SP3: variants seen among roughly 807,000 people sequenced by gnomAD.
SP3 encodes transcription factor Sp3.
A neutral mutation model predicts 70.3 loss-of-function variants in SP3; 10 were observed. That is an observed-to-expected ratio of 0.14 (90% CI 0.09 to 0.24). The LOEUF is 0.24. SP3 is among the 10% of genes least tolerant of loss of function. The pLI is 1.00. For synonymous variants in SP3, 402 were observed against 333.5 expected, an observed-to-expected ratio of 1.21 and a Z score of -2.24; for missense variants, 825 against 914.6, an observed-to-expected ratio of 0.90 and a Z score of 1.26.
At chr2:173,935,296 A>G (rs78094256) in intron 4 of SP3, among the ~76,000 whole-genome samples, 4,257 of 152,238 alleles carry the variant, frequency 0.028, 222 homozygotes, top group African/African-American at 0.097. Context: ...AAAGAAGCTA[A>G]CTTTTAAATA....
Position 173,961,945 on chromosome 2 carries a change from T to G in SP3, c.279+1816A>C, listed in dbSNP as rs1015549775. On this transcript the variant is annotated intron_variant, in intron 3 of 6. Coordinates refer to ENST00000310015, the MANE Select transcript of SP3 (RefSeq NM_003111.5). ...AAATATATGGTTTGGGTTTTTTTTT[T>G]TTTTTTTTTTTTTTTAGGCAAAACT... is the stretch of plus-strand genomic sequence containing the variant. 1.4e-4 allele frequency among the ~76,000 whole-genome samples: 21 copies of G among 151,120 alleles called. No homozygotes were observed. In the East Asian group the frequency reaches 1.5e-3, roughly 11 times the overall value.
intron 3 of SP3, among the ~76,000 whole-genome samples, chr2:173,960,260 T>C (rs577787553): frequency 6.6e-6 from 1 of 152,280 alleles, no homozygotes; most frequent in Admixed American, 6.5e-5. Flanking sequence ...TACATACAAA[T>C]ATACCGGTGG....
rs536434240 is a variant in SP3 at position 173,907,592 on chromosome 2, T to C, written c.*2349A>G. Reference sequence around the variant, plus strand: ...TTCATAAAATATGCATGGACACCTATCGATTCAAAGTACACCATAAACTTA... The same window carrying C: ...TTCATAAAATATGCATGGACACCTACCGATTCAAAGTACACCATAAACTTA... On this transcript the variant is annotated 3_prime_UTR_variant, in exon 7 of 7. Coordinates refer to ENST00000310015, the MANE Select transcript of SP3 (RefSeq NM_003111.5). 2 of 152,212 alleles carry C rather than the reference T, an allele frequency of 1.3e-5. No homozygotes were observed. The highest frequency in any genetic ancestry group is 3.9e-4 in the East Asian group (2 of 5,188). The allele number at this position is 152,212 out of a possible 1,614,324, so 9.4% of individuals were successfully genotyped here.
At chr2:173,964,344 G>GGCGAGGGGAGGAGAAAGCGGC in intron 2 of SP3, 61 bp downstream of exon 2, 2 of 649,200 alleles carry the variant, frequency 3.1e-6, no homozygotes, top group Non-Finnish European at 5.5e-6. Flanking sequence ...GGAGGGGAGA[G>GGCGAGGGGAGGAGAAAGCGGC]GCGAGGGGAG....
At chr2:173,914,698 TA>T (rs1025745484) in intron 5 of SP3, 1 of 152,218 alleles carries the variant, frequency 6.6e-6, no homozygotes, top group African/African-American at 2.4e-5. Flanking sequence ...AAGGATGTCA[TA>T]ATCTAACACA....
intron 4 of SP3, among the ~76,000 whole-genome samples, chr2:173,944,231 C>A (rs1690466016): frequency 6.6e-6 from 1 of 152,140 alleles, no homozygotes; most frequent in Non-Finnish European, 1.5e-5. Context: ...ATGTTAAGTA[C>A]CTTCATAAAA....
At chr2:173,943,047 G>T (rs1361087565) in intron 4 of SP3, among the ~76,000 whole-genome samples, 1 of 152,122 alleles carries the variant, frequency 6.6e-6, no homozygotes, top group African/African-American at 2.4e-5. Context: ...ATTCTAGGGG[G>T]TGTAGGGAGT....
intron 3 of SP3, among the ~76,000 whole-genome samples, chr2:173,958,470 T>C (rs1243043621): frequency 1.3e-5 from 2 of 151,704 alleles, no homozygotes; most frequent in Admixed American, 6.6e-5. Flanking sequence ...ATTCAGGCCA[T>C]TAATTGAAGG....
Position 173,955,707 on chromosome 2 carries a change from T to C in SP3, c.805A>G (p.Ile269Val), listed in dbSNP as rs769969384. The C allele has an allele frequency of 3.1e-6, 5 of 1,614,208 alleles. No individual in the cohort carries two copies. The highest frequency in any genetic ancestry group is 2.2e-5 in the East Asian group (1 of 44,886). ...AAAGAATCTAGATCGACACTATTGATTGGTACAAACGTAATATTTCCTGGC... is the reference window on the plus strand; with the variant it reads ...AAAGAATCTAGATCGACACTATTGACTGGTACAAACGTAATATTTCCTGGC... ...GLPGNITFVPINSVDLDSLGL... is the reference protein window; with the variant it reads ...GLPGNITFVPVNSVDLDSLGL... The change falls in exon 4 of 7, where the codon ATC (isoleucine) becomes GTC (valine). Residue 269 changes from isoleucine to valine, a missense_variant. Around this residue, in one of 4 missense-constraint regions of SP3, gnomAD observed 678 missense variants for 651.6 expected, o/e 1.04. Coordinates refer to ENST00000310015, the MANE Select transcript of SP3 (RefSeq NM_003111.5).
intron 4 of SP3, among the ~76,000 whole-genome samples, chr2:173,919,999 C>A (rs1689705905): frequency 6.6e-6 from 1 of 152,126 alleles, no homozygotes; most frequent in Non-Finnish European, 1.5e-5. Context: ...TTTGTTCATA[C>A]AATGGAACAT....
intron 4 of SP3, among the ~76,000 whole-genome samples, chr2:173,946,780 G>A (rs1240056522): frequency 6.7e-6 from 1 of 149,198 alleles, no homozygotes; most frequent in African/African-American, 2.5e-5. Flanking sequence ...GGAGTGCAGT[G>A]GCACAATCAC....
At position 173,955,494 on chromosome 2, in the gene SP3, G is replaced by C; in HGVS notation, c.1018C>G (p.Pro340Ala). 6.2e-7 allele frequency: 1 copy of C among 1,614,006 alleles called. No individual in the cohort carries two copies. The highest frequency in any genetic ancestry group is 8.5e-7 in the Non-Finnish European group (1 of 1,180,022). The change falls in exon 4 of 7, where the codon CCT becomes GCT. Residue 340 changes from proline to alanine, a missense_variant. Pro to Ala is a conservative substitution (Grantham distance 27, BLOSUM62 -1). Around this residue, in one of 4 missense-constraint regions of SP3, gnomAD observed 678 missense variants for 651.6 expected, o/e 1.04. Transcript: ENST00000310015. ...ATACCTGTACTATCTATCGTAACAG[G>C]CAACTGTGATGAAGAGGATGTTGGC... ...FVPTSSSSQL[P>A]VTIDSTGILQ...
intron 3 of SP3, 70 bp from the exon 4 acceptor site, chr2:173,956,302 A>G: frequency 6.8e-7 from 1 of 1,477,154 alleles, no homozygotes; most frequent in Non-Finnish European, 9.0e-7. Context: ...AATTCTAAAA[A>G]CTGGTATAAA....
chr2:173,937,486 T>C (rs982713273), intron 4 of SP3, among the ~76,000 whole-genome samples: 4 of 152,180 alleles, frequency 2.6e-5, no homozygotes, highest in East Asian at 3.8e-4. Context: ...GCTGTTACTA[T>C]GAACAAAGCT....
chr2:173,930,580 ATT>A (rs1172479164), intron 4 of SP3, among the ~76,000 whole-genome samples: 1 of 152,182 alleles, frequency 6.6e-6, no homozygotes, highest in African/African-American at 2.4e-5. Flanking sequence ...TTAAAATACA[ATT>A]TGTTTTCCAA....
At position 173,908,273 on chromosome 2, in the gene SP3, A is replaced by T. The variant is rs766904703; in HGVS notation, c.*1668T>A. 1 of 152,192 alleles carries T rather than the reference A, an allele frequency of 6.6e-6. No individual in the cohort carries two copies. Among genetic ancestry groups the T allele is most frequent in the Non-Finnish European group, 1.5e-5 (1 of 67,962 alleles). The allele number at this position is 152,192 out of a possible 1,614,324, so 9.4% of individuals were successfully genotyped here. On this transcript the variant is annotated 3_prime_UTR_variant, in exon 7 of 7. Coordinates refer to ENST00000310015, the MANE Select transcript of SP3 (RefSeq NM_003111.5). ...TTGCAAAATGGTACTGATAAAACTG[A>T]TATGAATCAATGTGGGCTAAGGGCT...
chr2:173,939,713 C>T (rs940297778), intron 4 of SP3, among the ~76,000 whole-genome samples: 2 of 131,458 alleles, frequency 1.5e-5, no homozygotes, highest in Admixed American at 1.7e-4. Context: ...TGTAGTGAGC[C>T]AAGATTGCGC....
intron 4 of SP3, among the ~76,000 whole-genome samples, chr2:173,939,888 G>A (rs1690316875): frequency 6.6e-6 from 1 of 151,894 alleles, no homozygotes; most frequent in Non-Finnish European, 1.5e-5. Flanking sequence ...ATGGAAAATG[G>A]AAGTTGTTTT....
intron 4 of SP3, among the ~76,000 whole-genome samples, chr2:173,933,664 ATATATAT>A: frequency 7.0e-6 from 1 of 142,592 alleles, no homozygotes; most frequent in East Asian, 2.0e-4. Context: ...ATATATATAT[ATATATAT>A]AAAAGTTATA....
Sources: allele counts gnomAD v4.1 joint callset (sites outside exome capture counted in the v4.1 genomes callset), GRCh38; gene constraint gnomAD v4.1.1; regional missense constraint gnomAD v4.1.1; transcripts MANE v1.5; gene names NCBI Gene and HGNC (gene_info 2026-07-23, HGNC 2026-07-21).